Variants in CANX observed in about 807,000 individuals in gnomAD.
The protein encoded by CANX is calnexin, also known as epididymis secretory sperm binding protein.
CANX carries 14 observed loss-of-function variants against 75.7 expected under a neutral mutation model. The ratio of observed to expected loss-of-function variants is 0.19; its 90% CI spans 0.12 to 0.29. CANX has a LOEUF of 0.29. Among genes scored for constraint, CANX ranks in the 10% least tolerant of loss-of-function variants. CANX has a pLI of 1.00. For missense variants in CANX, 567 were observed against 713.2 expected (o/e 0.79, Z 2.34); for synonymous variants, 227 against 236.9 (o/e 0.96, Z 0.38).
At position 179,728,717 on chromosome 5, in the gene CANX, G is replaced by T; in HGVS notation, c.*73G>T. The T allele has an allele frequency of 9.8e-7, 1 of 1,021,042 alleles. No individual in the cohort carries two copies. Among genetic ancestry groups the T allele is most frequent in the South Asian group, 1.3e-5 (1 of 77,486 alleles). 63.2% of individuals were successfully genotyped at this position (1,021,042 alleles called of 1,614,324 possible). ...CAAGAGTGGTCCTAGGAGAGGACCT[G>T]GCACACCTTAGGTTGACATTCAGAA... On this transcript the variant is annotated 3_prime_UTR_variant, in exon 15 of 15. Coordinates refer to ENST00000247461, the MANE Select transcript of CANX (RefSeq NM_001746.4).
At chr5:179,720,853 G>A (rs7729244) in intron 10 of CANX, among the ~76,000 whole-genome samples, 2,656 of 151,886 alleles carry the variant, frequency 0.017, 79 homozygotes, top group African/African-American at 0.058. Context: ...GTGTGATGTC[G>A]CCTCACTGCA....
Position 179,728,702 on chromosome 5 carries a change from C to A in CANX, c.*58C>A. On this transcript the variant is annotated 3_prime_UTR_variant, in exon 15 of 15. Transcript: ENST00000247461. ...CTCCCTCCTCCCCTGCAAGAGTGGTCCTAGGAGAGGACCTGGCACACCTTA... is the reference window on the plus strand; with the variant it reads ...CTCCCTCCTCCCCTGCAAGAGTGGTACTAGGAGAGGACCTGGCACACCTTA... The A allele has an allele frequency of 8.1e-7, 1 of 1,242,194 alleles. No individual in the cohort carries two copies. Among genetic ancestry groups the A allele is most frequent in the South Asian group, 1.2e-5 (1 of 82,628 alleles). The allele number at this position is 1,242,194 out of a possible 1,614,324, so 76.9% of individuals were successfully genotyped here.
In CANX at chr5:179,724,755, TGAG is replaced by T. The variant is rs748823659; in HGVS notation, c.1626_1628del (p.Glu543del). 368 of 1,611,160 alleles carry T rather than the reference TGAG, an allele frequency of 2.3e-4. No homozygotes were observed. The Admixed American group carries it at 2.5e-3, about 11-fold the overall frequency. ...AGGAAGAGGAAAAGGACAAGGGAGA[TGAG>T]GAGGAGGAAGGAGAAGAGAAACTTG... On this transcript the variant is annotated inframe_deletion, in exon 13 of 15. Coordinates refer to ENST00000247461, the MANE Select transcript of CANX (RefSeq NM_001746.4).
intron 1 of CANX, among the ~76,000 whole-genome samples, chr5:179,690,576 CAAAAAA>C (rs58874777): frequency 3.3e-5 from 2 of 59,832 alleles, no homozygotes; most frequent in Admixed American, 2.2e-4. Context: ...GACTTCATCT[CAAAAAA>C]AAAAAAAAAA....
intron 2 of CANX, 74 bp downstream of exon 2, chr5:179,705,926 G>C: frequency 7.7e-7 from 1 of 1,292,618 alleles, no homozygotes; most frequent in South Asian, 1.3e-5. Flanking sequence ...CGGGTGCAGG[G>C]AAATGTAGTC....
In CANX at chr5:179,730,383, G is replaced by A. The variant is rs985721244; in HGVS notation, c.*1739G>A. On this transcript the variant is annotated 3_prime_UTR_variant, in exon 15 of 15. Coordinates refer to ENST00000247461, the MANE Select transcript of CANX (RefSeq NM_001746.4). ...TTTCATCTGTTGTTCTGTGGTCACAGTGACCTTAGCTACATAGCAGACTTT... is the reference window on the plus strand; with the variant it reads ...TTTCATCTGTTGTTCTGTGGTCACAATGACCTTAGCTACATAGCAGACTTT... 4 of 152,140 alleles carry A rather than the reference G, an allele frequency of 2.6e-5. No individual in the cohort carries two copies. Among genetic ancestry groups the A allele is most frequent in the African/African-American group, 9.7e-5 (4 of 41,402 alleles). 9.4% of individuals were successfully genotyped at this position (152,140 alleles called of 1,614,324 possible).
In CANX at chr5:179,723,006, A is replaced by G. The variant is rs756411854; in HGVS notation, c.1385A>G (p.Asp462Gly). 1 of 1,613,852 alleles carries G rather than the reference A, an allele frequency of 6.2e-7. No individual in the cohort carries two copies. Among genetic ancestry groups the G allele is most frequent in the Non-Finnish European group, 8.5e-7 (1 of 1,179,772 alleles). Residue 462 changes from aspartate (D) to glycine (G), a missense_variant, in exon 11 of 15, where the codon GAT becomes GGT. Around this residue, in one of 3 missense-constraint regions of CANX, gnomAD observed 167 missense variants for 179.3 expected, o/e 0.93. Coordinates refer to ENST00000247461, the MANE Select transcript of CANX (RefSeq NM_001746.4). ...GGATGGGGCCTGAAGAAAGCTGCTG[A>G]TGGGGCTGCTGAGGTTCGTGTTTGC... ...NDGWGLKKAA[D>G]GAAEPGVVGQ... is the part of the protein sequence containing the mutation.
At chr5:179,694,401 G>C, upstream of CANX, 1 of 629,754 alleles carries the variant, frequency 1.6e-6, no homozygotes, top group South Asian at 2.1e-5. Context: ...AGTGCACTGT[G>C]ATCGGGAAAT....
intron 8 of CANX, among the ~76,000 whole-genome samples, chr5:179,718,039 G>A (rs1296182835): frequency 6.6e-6 from 1 of 151,744 alleles, no homozygotes; most frequent in African/African-American, 2.4e-5. Context: ...CATGATCTCT[G>A]TGTTGCCCAG....
intron 7 of CANX, 73 bp from the exon 8 acceptor site, chr5:179,716,032 A>T (rs371683537): frequency 1.8e-6 from 2 of 1,108,986 alleles, no homozygotes; most frequent in Non-Finnish European, 2.8e-6. Context: ...GTTAGAAGTC[A>T]TGATCTTTTG....
At position 179,706,351 on chromosome 5, in the gene CANX, A is replaced by G. The variant is rs781093661; in HGVS notation, c.245+20A>G. 2.2e-6 allele frequency: 3 copies of G among 1,370,262 alleles called. No homozygotes were observed. Among genetic ancestry groups the G allele is most frequent in the East Asian group, 4.6e-5 (2 of 43,514 alleles). 84.9% of individuals were successfully genotyped at this position (1,370,262 alleles called of 1,614,324 possible). On this transcript the variant is annotated intron_variant, in intron 3 of 14. Coordinates refer to ENST00000247461, the MANE Select transcript of CANX (RefSeq NM_001746.4). ...GTCAGGGTAAGTGTTTTCCAGAGAA[A>G]TATATGTTAGAGGCAGACATGTAAA...
chr5:179,698,350 T>G (rs1776482416), upstream of CANX: 11 of 1,113,044 alleles, frequency 9.9e-6, no homozygotes, highest in Non-Finnish European at 1.2e-5. Context: ...GCGACGAGGC[T>G]GCGCAGGCTC....
chr5:179,725,467 G>T (rs574233761), intron 13 of CANX, among the ~76,000 whole-genome samples: 2 of 151,892 alleles, frequency 1.3e-5, no homozygotes, highest in Non-Finnish European at 2.9e-5. Context: ...AGATCACGAG[G>T]TCAGGAGGTC....
chr5:179,689,389 T>TTTTTG (rs1206071325), intron 1 of CANX, among the ~76,000 whole-genome samples: 1 of 143,260 alleles, frequency 7.0e-6, no homozygotes, highest in Non-Finnish European at 1.5e-5. Flanking sequence ...GTTTTTTTTT[T>TTTTTG]TTTTTTTTTT....
At chr5:179,697,046 ATC>A (rs1244753168), upstream of CANX, among the ~76,000 whole-genome samples, 2 of 152,086 alleles carry the variant, frequency 1.3e-5, no homozygotes, top group South Asian at 2.1e-4. Flanking sequence ...CATGTAAAAC[ATC>A]TGTTTGTTTT....
chr5:179,686,191 G>A (rs1326901954), intron 1 of CANX, among the ~76,000 whole-genome samples: 4 of 141,224 alleles, frequency 2.8e-5, no homozygotes, highest in South Asian at 2.4e-4. Flanking sequence ...TCCACCTCCC[G>A]AGTTCAAGCA....
Position 179,730,132 on chromosome 5 carries a change from A to G in CANX, c.*1488A>G, listed in dbSNP as rs1431722035. On this transcript the variant is annotated 3_prime_UTR_variant, in exon 15 of 15. Coordinates refer to ENST00000247461, the MANE Select transcript of CANX (RefSeq NM_001746.4). Reference sequence around the variant, plus strand: ...TGAAACGTATTCAGAGTTAGATATTATTTTAGCTTCAGTTGTTCTTTAGAG... The same window carrying G: ...TGAAACGTATTCAGAGTTAGATATTGTTTTAGCTTCAGTTGTTCTTTAGAG... 1 of 152,598 alleles carries G rather than the reference A, an allele frequency of 6.6e-6. No homozygotes were observed. Among genetic ancestry groups the G allele is most frequent in the Non-Finnish European group, 1.5e-5 (1 of 68,032 alleles). The allele number at this position is 152,598 out of a possible 1,614,324, so 9.5% of individuals were successfully genotyped here. A position where few individuals can be genotyped will look rare whatever the true frequency, so the allele number is the denominator to read the frequency against.
In CANX at chr5:179,729,070, A is replaced by T. The variant is rs1341719529; in HGVS notation, c.*426A>T. 1 of 237,318 alleles carries T rather than the reference A, an allele frequency of 4.2e-6. No homozygotes were observed. The allele number at this position is 237,318 out of a possible 1,614,324, so 14.7% of individuals were successfully genotyped here. A position where few individuals can be genotyped will look rare whatever the true frequency, so the allele number is the denominator to read the frequency against. On this transcript the variant is annotated 3_prime_UTR_variant, in exon 15 of 15. Coordinates refer to ENST00000247461, the MANE Select transcript of CANX (RefSeq NM_001746.4). ...GCAGTTTTTATAATAGATTTTTTTT[A>T]AAGTTTGGTATTGTAAAACATTCAC... is the stretch of plus-strand genomic sequence containing the variant.
At position 179,678,859 on chromosome 5, in the gene CANX, C is replaced by A. The variant is rs765391430; in HGVS notation, c.-4+82C>A. On this transcript the variant is annotated intron_variant, in intron 1 of 14. Coordinates refer to the CANX transcript ENST00000681674. The stretch of plus-strand genomic sequence containing the variant: ...AGCCCCAGGCGGTCCGCGAGAGCAG[C>A]GGCGACCGCGTCCTCGCCAGCTGGC... 54 of 1,536,574 alleles carry A rather than the reference C, an allele frequency of 3.5e-5. No individual in the cohort carries two copies. In the African/African-American group the frequency reaches 7.0e-4, roughly 20 times the overall value.
Sources: allele counts gnomAD v4.1 joint callset (sites outside exome capture counted in the v4.1 genomes callset), GRCh38; gene constraint gnomAD v4.1.1; regional missense constraint gnomAD v4.1.1; transcripts MANE v1.5; gene names NCBI Gene and HGNC (gene_info 2026-07-23, HGNC 2026-07-21).